The following ZNF385A variants were observed in gnomAD, a reference collection of about 807,000 sequenced individuals.
ZNF385A encodes zinc finger protein 385A, also known as hematopoietic zinc finger protein.
Under a neutral mutation model 32.1 loss-of-function variants are expected in ZNF385A, and 14 were observed. The observed-to-expected ratio is 0.44, with a 90% CI of 0.29 to 0.68. ZNF385A has a LOEUF of 0.68. Ranked by LOEUF, ZNF385A falls within the 30% of genes least tolerant of loss-of-function variation. The pLI, the probability that ZNF385A is intolerant of heterozygous loss-of-function variation, is 0.14. For missense variants in ZNF385A, 406 were observed against 478.4 expected (o/e 0.85, Z 1.41); for synonymous variants, 197 against 202.7 (o/e 0.97, Z 0.24).
rs142350818 is a variant in ZNF385A, at chr12:54,377,432, C to T, written c.88-1478G>A. Among the ~76,000 whole-genome samples, 1,284 of 152,178 alleles carry T rather than the reference C, an allele frequency of 8.4e-3. 17 individuals are homozygous for T. The highest frequency in any genetic ancestry group is 0.015 in the Non-Finnish European group (1,050 of 68,014). The stretch of plus-strand genomic sequence containing the variant: ...TCCAGGGAAAAGCCAAACAGGAGAA[C>T]GGGTGTGTCTGTGTGTGTTAGGCAG... On this transcript the variant is annotated intron_variant, in intron 1 of 6. Transcript: ENST00000394313.
At chr12:54,385,278 G>A (rs918290403), upstream of ZNF385A, 7 of 152,298 alleles carry the variant, frequency 4.6e-5, no homozygotes, top group East Asian at 3.9e-4. Flanking sequence ...GAGGAACCTC[G>A]ACCTGGCCTA....
intron 1 of ZNF385A, among the ~76,000 whole-genome samples, chr12:54,379,669 G>T (rs1955042707): frequency 6.6e-6 from 1 of 152,132 alleles, no homozygotes; most frequent in African/African-American, 2.4e-5. Flanking sequence ...GTACCCAGGT[G>T]TCAGGCACTG....
chr12:54,382,996 T>A (rs532331097), intron 1 of ZNF385A, among the ~76,000 whole-genome samples: 4 of 152,018 alleles, frequency 2.6e-5, no homozygotes, highest in Non-Finnish European at 4.4e-5. Context: ...ACCCCATCTC[T>A]ACTAAAAATA....
chr12:54,382,841 T>TA (rs1565627346), intron 1 of ZNF385A, among the ~76,000 whole-genome samples: 4 of 151,886 alleles, frequency 2.6e-5, no homozygotes, highest in Non-Finnish European at 4.4e-5. Flanking sequence ...CCTTTTTTTT[T>TA]TAAAAAAAAT....
chr12:54,391,293 C>T, exon 1 of ZNF385A: 1 of 1,003,576 alleles, frequency 1.0e-6, no homozygotes, highest in East Asian at 1.1e-4. Context: ...TCCCGGGGGC[C>T]GTTCTGGCCG....
intron 1 of ZNF385A, among the ~76,000 whole-genome samples, chr12:54,382,026 C>A (rs1955208028): frequency 6.6e-6 from 1 of 151,868 alleles, no homozygotes; most frequent in African/African-American, 2.4e-5. Context: ...CAGTACCCAG[C>A]ACATAGTAGG....
chr12:54,370,262 C>G lies in ZNF385A; in HGVS notation c.1095G>C (p.Pro365=). ...RTAHGPILFS[P]Y is the part of the protein sequence containing the mutation. Reference sequence around the variant, plus strand: ...GAGGGGTTCAGGGTTGAGGTCAGTACGGGGAGAAGAGGATGGGTCCGTGCG... The same window carrying G: ...GAGGGGTTCAGGGTTGAGGTCAGTAGGGGGAGAAGAGGATGGGTCCGTGCG... Residue 365 remains proline (P), a synonymous_variant, in exon 7 of 7, where the codon CCG becomes CCC. Coordinates refer to ENST00000394313, the MANE Select transcript of ZNF385A (RefSeq NM_015481.3). This position sits in a 1 kb window ranked among gnomAD's most constrained non-coding sequence, Gnocchi z 5.5. 1 of 1,460,514 alleles carries G rather than the reference C, an allele frequency of 6.8e-7. No individual in the cohort carries two copies. The highest frequency in any genetic ancestry group is 9.1e-7 in the Non-Finnish European group (1 of 1,103,878). The allele number at this position is 1,460,514 out of a possible 1,614,324, so 90.5% of individuals were successfully genotyped here.
chr12:54,374,215 T>C, intron 2 of ZNF385A, 80 bp from the exon 3 acceptor site: 1 of 1,346,970 alleles, frequency 7.4e-7, no homozygotes, highest in South Asian at 2.0e-5. Flanking sequence ...CCTCAAGTCC[T>C]GGGGTGATCT....
upstream of ZNF385A, chr12:54,384,754 G>A (rs1328175129): frequency 3.1e-6 from 4 of 1,272,126 alleles, no homozygotes; most frequent in East Asian, 1.2e-4. Context: ...CCTGGGGGAG[G>A]GTGTAGACCA....
intron 3 of ZNF385A, among the ~76,000 whole-genome samples, chr12:54,373,256 T>A (rs934735232): frequency 3.3e-5 from 5 of 151,738 alleles, no homozygotes; most frequent in Admixed American, 6.6e-5. Context: ...GACAGGCAAG[T>A]ATAAGGATGG....
intron 1 of ZNF385A, among the ~76,000 whole-genome samples, chr12:54,390,647 C>G (rs1350927016): frequency 6.7e-6 from 1 of 149,006 alleles, no homozygotes; most frequent in Non-Finnish European, 1.5e-5. Flanking sequence ...ATTTTCCCCA[C>G]CCCCTCTTCT....
In ZNF385A at chr12:54,370,408, C is replaced by T; in HGVS notation, c.949G>A (p.Val317Met). ...GGCGAGCCTGCTGCCGCTGCCATCA[C>T]TGCAGCCACCGCCAGGGGGCTGGGG... ...LLPSPLAVAA[V>M]MAAAAGSPLS... Residue 317 changes from valine (V) to methionine (M), a missense_variant, in exon 7 of 7, where the codon GTG becomes ATG. Val to Met is a conservative substitution (Grantham distance 21, BLOSUM62 1). Coordinates refer to ENST00000394313, the MANE Select transcript of ZNF385A (RefSeq NM_015481.3). This position sits in a 1 kb window ranked among gnomAD's most constrained non-coding sequence, Gnocchi z 5.5. 1 of 1,542,664 alleles carries T rather than the reference C, an allele frequency of 6.5e-7. No individual in the cohort carries two copies. The highest frequency in any genetic ancestry group is 8.8e-7 in the Non-Finnish European group (1 of 1,142,318).
Position 54,369,888 on chromosome 12 carries a change from TC to T in ZNF385A, c.*367del, listed in dbSNP as rs889901179. ...TTATTGCCAAGAAAATCCATTTCTG[TC>T]CCCCCCGGACCCCGACCATGGCTTG... On this transcript the variant is annotated 3_prime_UTR_variant, in exon 7 of 7. Coordinates refer to ENST00000394313, the MANE Select transcript of ZNF385A (RefSeq NM_015481.3). 114 of 189,030 alleles carry T rather than the reference TC, an allele frequency of 6.0e-4. No individual in the cohort carries two copies. The highest frequency in any genetic ancestry group is 1.0e-3 in the Non-Finnish European group (93 of 93,110). 11.7% of individuals were successfully genotyped at this position (189,030 alleles called of 1,614,324 possible). A position where few individuals can be genotyped will look rare whatever the true frequency, so the allele number is the denominator to read the frequency against.
Position 54,370,410 on chromosome 12 carries a change from G to A in ZNF385A, c.947C>T (p.Ala316Val). The A allele has an allele frequency of 4.5e-6, 7 of 1,543,206 alleles. No homozygotes were observed. The South Asian group carries it at 8.4e-5, about 19-fold the overall frequency. The change falls in exon 7 of 7, where the codon GCA (alanine) becomes GTA (valine). Residue 316 changes from alanine to valine, a missense_variant. By Grantham distance (64) the Ala-to-Val change is moderately conservative. Transcript: ENST00000394313. The surrounding 1 kb of genome is among the most constrained non-coding windows in gnomAD (Gnocchi z 5.5). Reference protein sequence around the residue: ...GLLPSPLAVAAVMAAAAGSPL... With the variant: ...GLLPSPLAVAVVMAAAAGSPL... ...CGAGCCTGCTGCCGCTGCCATCACT[G>A]CAGCCACCGCCAGGGGGCTGGGGAG... is the stretch of plus-strand genomic sequence containing the variant.
chr12:54,388,620 G>C (rs964989431), upstream of ZNF385A, among the ~76,000 whole-genome samples: 8 of 152,236 alleles, frequency 5.3e-5, no homozygotes, highest in Non-Finnish European at 7.3e-5. Flanking sequence ...TTGGGGTTAA[G>C]GTTGCAAGTA....
chr12:54,379,315 G>T, intron 1 of ZNF385A: 2 of 452,354 alleles, frequency 4.4e-6, no homozygotes, highest in Non-Finnish European at 2.9e-6. Flanking sequence ...GAAGAGGAAT[G>T]AAAGGGGGCT....
At chr12:54,374,656 C>T (rs2137196798) in intron 2 of ZNF385A, among the ~76,000 whole-genome samples, 1 of 152,268 alleles carries the variant, frequency 6.6e-6, no homozygotes, top group South Asian at 2.1e-4. Flanking sequence ...CTGTGGACAC[C>T]CTGGAGGACC....
At chr12:54,373,097 A>C (rs1954636095) in intron 3 of ZNF385A, 1 of 145,656 alleles carries the variant, frequency 6.9e-6, no homozygotes, top group Non-Finnish European at 1.4e-5. Context: ...CTGCCCACTC[A>C]CTCTGACTGT....
chr12:54,371,104 C>A lies in ZNF385A; in HGVS notation c.605-8G>T, dbSNP rs1954524348. ...TTGTCTTGTGCTTAGTACCTGGAGC[C>A]CAGAGAGGGCAGGAGGTAAGGGGTG... On this transcript the variant is annotated splice_region_variant and splice_polypyrimidine_tract_variant and intron_variant, in intron 4 of 6. Coordinates refer to ENST00000394313, the MANE Select transcript of ZNF385A (RefSeq NM_015481.3). 1.3e-6 allele frequency: 2 copies of A among 1,588,116 alleles called. No homozygotes were observed. Among genetic ancestry groups the A allele is most frequent in the Non-Finnish European group, 1.7e-6 (2 of 1,169,496 alleles).
Sources: allele counts gnomAD v4.1 joint callset (sites outside exome capture counted in the v4.1 genomes callset), GRCh38; gene constraint gnomAD v4.1.1; non-coding constraint Gnocchi (gnomAD v3.1); transcripts MANE v1.5; gene names NCBI Gene and HGNC (gene_info 2026-07-23, HGNC 2026-07-21).